Variants in HSPA14 observed in about 807,000 individuals in gnomAD.
HSPA14 encodes the protein heat shock protein family A (Hsp70) member 14.
Under a neutral mutation model 65.5 loss-of-function variants are expected in HSPA14, and 37 were observed. That is an observed-to-expected ratio of 0.56 (90% CI 0.43 to 0.74). The LOEUF (loss-of-function observed/expected upper bound fraction) is 0.74. Ranked by LOEUF, HSPA14 falls within the 30% of genes least tolerant of loss-of-function variation. The pLI is 0.00. For synonymous variants in HSPA14, 203 were observed against 214.2 expected, an observed-to-expected ratio of 0.95 and a Z score of 0.46; for missense variants, 564 against 607.6, an observed-to-expected ratio of 0.93 and a Z score of 0.75.
At chr10:14,840,396 C>T (rs928226904) in intron 3 of HSPA14, among the ~76,000 whole-genome samples, 3 of 152,030 alleles carry the variant, frequency 2.0e-5, no homozygotes, top group Non-Finnish European at 2.9e-5. Context: ...TGGTAATTTG[C>T]GTCAGAGGTG....
Position 14,871,640 on chromosome 10 carries a change from G to T in HSPA14, c.*34G>T. 1 of 1,151,876 alleles carries T rather than the reference G, an allele frequency of 8.7e-7. No homozygotes were observed. Among genetic ancestry groups the T allele is most frequent in the South Asian group, 1.3e-5 (1 of 75,432 alleles). The allele number at this position is 1,151,876 out of a possible 1,614,324, so 71.4% of individuals were successfully genotyped here. ...AGAAATCAAGAATTTTTAAAAACAAGAATATCAACATTTGGTTTTGTGTAT... is the reference window on the plus strand; with the variant it reads ...AGAAATCAAGAATTTTTAAAAACAATAATATCAACATTTGGTTTTGTGTAT... On this transcript the variant is annotated 3_prime_UTR_variant, in exon 14 of 14. Transcript: ENST00000378372.
At chr10:14,844,486 A>C (rs1834019108) in intron 3 of HSPA14, 1 of 923,534 alleles carries the variant, frequency 1.1e-6, no homozygotes, top group Non-Finnish European at 1.2e-6. Context: ...GGCTCATTAG[A>C]CGACTATAAG....
rs112064312 is a variant in HSPA14, at chr10:14,850,976, G to A, written c.468-243G>A. ...GAGCTTTATTTCTCTTATTCAGTAC[G>A]TGTGCTTTTTGCTTTCTTTGTGAAG... On this transcript the variant is annotated intron_variant, in intron 6 of 13. Transcript: ENST00000378372. The A allele has an allele frequency of 3.1e-3, 1,025 of 335,720 alleles. 13 individuals are homozygous for A. Among genetic ancestry groups the A allele is most frequent in the African/African-American group, 0.02 (911 of 46,070 alleles). 20.8% of individuals were successfully genotyped at this position (335,720 alleles called of 1,614,324 possible). A position where few individuals can be genotyped will look rare whatever the true frequency, so the allele number is the denominator to read the frequency against.
chr10:14,867,688 T>C, intron 11 of HSPA14, 48 bp from the exon 12 acceptor site: 1 of 1,534,192 alleles, frequency 6.5e-7, no homozygotes, highest in Non-Finnish European at 8.8e-7. Flanking sequence ...TTTTTTCAAT[T>C]GTAAAGATAA....
At chr10:14,869,420 C>T (rs542314438) in intron 12 of HSPA14, among the ~76,000 whole-genome samples, 5 of 152,056 alleles carry the variant, frequency 3.3e-5, no homozygotes, top group African/African-American at 9.7e-5. Context: ...CCTCAGCCTC[C>T]GGAGTAGCTG....
chr10:14,850,210 T>C (rs947687004), intron 6 of HSPA14, among the ~76,000 whole-genome samples: 5 of 150,560 alleles, frequency 3.3e-5, no homozygotes, highest in Non-Finnish European at 5.9e-5. Flanking sequence ...AAGTGGAGGT[T>C]GCAGTGAGCC....
chr10:14,853,753 C>G (rs1834124753), intron 8 of HSPA14, among the ~76,000 whole-genome samples: 1 of 152,050 alleles, frequency 6.6e-6, no homozygotes, highest in Non-Finnish European at 1.5e-5. Flanking sequence ...GAGTTTTGCT[C>G]TTGTCGCCCA....
chr10:14,852,384 T>A lies in HSPA14; in HGVS notation c.587T>A (p.Phe196Tyr). Residue 196 changes from phenylalanine to tyrosine, a missense_variant, in exon 8 of 14, where the codon TTT (phenylalanine) becomes TAT (tyrosine). By Grantham distance (22) the Phe-to-Tyr change is conservative. Coordinates refer to ENST00000378372, the MANE Select transcript of HSPA14 (RefSeq NM_016299.4). Reference sequence around the variant, plus strand: ...TTCTCTTGAAGCAATATTTTGGTGTTTAAGCTTGGAGGAACATCCTTATCT... The same window carrying A: ...TTCTCTTGAAGCAATATTTTGGTGTATAAGCTTGGAGGAACATCCTTATCT... Reference protein sequence around the residue: ...SPTGKSNILVFKLGGTSLSLS... With the variant: ...SPTGKSNILVYKLGGTSLSLS... 6.2e-7 allele frequency: 1 copy of A among 1,613,128 alleles called. No homozygotes were observed. Among genetic ancestry groups the A allele is most frequent in the Non-Finnish European group, 8.5e-7 (1 of 1,179,596 alleles).
chr10:14,843,641 G>C (rs1420716506), intron 3 of HSPA14: 1 of 1,550,040 alleles, frequency 6.5e-7, no homozygotes, highest in Non-Finnish European at 8.7e-7. Flanking sequence ...TCAGTGGCCA[G>C]GACTATCGCA....
chr10:14,841,907 G>A (rs780378168), intron 3 of HSPA14, among the ~76,000 whole-genome samples: 1 of 152,158 alleles, frequency 6.6e-6, no homozygotes, highest in Non-Finnish European at 1.5e-5. Context: ...GATTTTTACA[G>A]ATCCATTGTT....
intron 9 of HSPA14, 101 bp downstream of exon 9, chr10:14,854,381 T>G: frequency 2.1e-6 from 2 of 951,152 alleles, no homozygotes; most frequent in South Asian, 3.4e-5. Flanking sequence ...TGTTTGAGAT[T>G]TATCAACCAT....
rs923228347 is a variant in HSPA14 at position 14,843,617 on chromosome 10, G to C, written c.221+3460G>C. ...AGTGAGCCCCCTCCAAGGTGGGCAA[G>C]GCGAAGAAGGCGGTCAGTGGCCAGG... On this transcript the variant is annotated intron_variant, in intron 3 of 13. Coordinates refer to ENST00000378372, the MANE Select transcript of HSPA14 (RefSeq NM_016299.4). The C allele has an allele frequency of 1.0e-5, 16 of 1,550,562 alleles. No homozygotes were observed. In the Admixed American group the frequency reaches 2.9e-4, roughly 28 times the overall value.
Position 14,870,597 on chromosome 10 carries a change from GT to G in HSPA14, c.1383del (p.Val462TyrfsTer5), listed in dbSNP as rs768876051. ...CTTCATATTGTTCTTGTATAAACAG[GT>G]TGTACTCCAGGATTTAGATAAAAAA... ...SAKEETKFAQVVLQDLDKKEN... is the reference protein window; with the variant it reads ...SAKEETKFAQXVLQDLDKKEN... On this transcript the variant is annotated frameshift_variant and splice_region_variant, in exon 13 of 14. Coordinates refer to ENST00000378372, the MANE Select transcript of HSPA14 (RefSeq NM_016299.4). LOFTEE classifies it high-confidence loss of function. The G allele has an allele frequency of 6.3e-7, 1 of 1,584,148 alleles. No individual in the cohort carries two copies. Among genetic ancestry groups the G allele is most frequent in the South Asian group, 1.1e-5 (1 of 88,252 alleles).
At chr10:14,865,182 T>G (rs1194559530) in intron 10 of HSPA14, among the ~76,000 whole-genome samples, 1 of 152,258 alleles carries the variant, frequency 6.6e-6, no homozygotes, top group Non-Finnish European at 1.5e-5. Context: ...TGTTTTTTTC[T>G]TGTAAATTTG....
At chr10:14,869,797 A>AAG (rs1315993635) in intron 12 of HSPA14, among the ~76,000 whole-genome samples, 4 of 152,140 alleles carry the variant, frequency 2.6e-5, no homozygotes, top group Non-Finnish European at 5.9e-5. Context: ...GTATTTCCTT[A>AAG]GCTCTTCTCT....
intron 10 of HSPA14, among the ~76,000 whole-genome samples, chr10:14,863,960 G>T (rs892314434): frequency 2.2e-5 from 3 of 134,516 alleles, no homozygotes; most frequent in Non-Finnish European, 4.7e-5. Context: ...TACCAAAAAA[G>T]AGGTTGTGTA....
chr10:14,839,606 AG>A (rs1324129836), intron 1 of HSPA14, among the ~76,000 whole-genome samples: 7 of 152,008 alleles, frequency 4.6e-5, no homozygotes, highest in Non-Finnish European at 8.8e-5. Flanking sequence ...AATGGTAAGA[AG>A]GAAGAGAGGT....
At position 14,839,259 on chromosome 10, in the gene HSPA14, A is replaced by C. The variant is rs118184991; in HGVS notation, c.58-646A>C. 9.8e-3 allele frequency among the ~76,000 whole-genome samples: 1,497 copies of C among 152,350 alleles called. 12 individuals carry two copies. The highest frequency in any genetic ancestry group is 0.034 in the South Asian group (165 of 4,832). On this transcript the variant is annotated intron_variant, in intron 1 of 13. Coordinates refer to ENST00000378372, the MANE Select transcript of HSPA14 (RefSeq NM_016299.4). ...TTGTTAGGAAAAGCCAAAGGGAATAATACTACTTCATTTGTAGAAATGGGA... is the reference window on the plus strand; with the variant it reads ...TTGTTAGGAAAAGCCAAAGGGAATACTACTACTTCATTTGTAGAAATGGGA...
chr10:14,844,023 G>T, intron 3 of HSPA14: 1 of 1,445,414 alleles, frequency 6.9e-7, no homozygotes, highest in East Asian at 2.5e-5. Flanking sequence ...TATCCAGATA[G>T]TATGAAAATA....
Sources: allele counts gnomAD v4.1 joint callset (sites outside exome capture counted in the v4.1 genomes callset), GRCh38; gene constraint gnomAD v4.1.1; transcripts MANE v1.5; gene names NCBI Gene and HGNC (gene_info 2026-07-23, HGNC 2026-07-21).